The following ANK2 variants were observed in gnomAD, a reference collection of about 807,000 sequenced individuals.
ANK2 encodes the protein ankyrin-2.
ANK2 carries 83 observed loss-of-function variants against 360.5 expected under a neutral mutation model. That is an observed-to-expected ratio of 0.23 (90% CI 0.19 to 0.28). The LOEUF (loss-of-function observed/expected upper bound fraction) is 0.28, where lower values mean the gene tolerates loss of function less well. Ranked by LOEUF, ANK2 falls within the 10% of genes least tolerant of loss-of-function variation. The probability of loss-of-function intolerance (pLI) is 1.00; values close to 1 mark genes in which losing one functional copy is unlikely to be tolerated. For missense variants in ANK2, 4,201 were observed against 4,795.7 expected, an observed-to-expected ratio of 0.88 and a Z score of 3.66; for synonymous variants, 1,740 against 1,759.5, an observed-to-expected ratio of 0.99 and a Z score of 0.28.
At chr4:113,125,266 CATAA>C (rs922753379) in intron 1 of ANK2, among the ~76,000 whole-genome samples, 6 of 151,928 alleles carry the variant, frequency 3.9e-5, no homozygotes, top group African/African-American at 9.7e-5. Flanking sequence ...GTTATTTTTT[CATAA>C]ATAAATAATG....
At position 113,354,572 on chromosome 4, in the gene ANK2, A is replaced by G; in HGVS notation, c.5954A>G (p.Glu1985Gly). Reference sequence around the variant, plus strand: ...CCCACTTCAAAAACAGAGAGGATTGAGGAAACCATGTCTGTTCGGGAGCTG... The same window carrying G: ...CCCACTTCAAAAACAGAGAGGATTGGGGAAACCATGTCTGTTCGGGAGCTG... ...VSPTSKTERI[E>G]ETMSVRELMK... The change falls in exon 38 of 46, where the codon GAG (glutamate) becomes GGG (glycine). Residue 1985 changes from glutamate (E) to glycine (G), a missense_variant. Physicochemically the swap from Glu to Gly is moderately conservative, Grantham distance 98 (BLOSUM62 -2). Transcript: ENST00000357077. 6.2e-7 allele frequency: 1 copy of G among 1,614,138 alleles called. No individual in the cohort carries two copies. Among genetic ancestry groups the G allele is most frequent in the Non-Finnish European group, 8.5e-7 (1 of 1,180,000 alleles).
At chr4:113,290,861 C>T (rs565661425) in intron 20 of ANK2, among the ~76,000 whole-genome samples, 30 of 152,070 alleles carry the variant, frequency 2.0e-4, no homozygotes, top group Non-Finnish European at 3.5e-4. Flanking sequence ...GCCAGATGGG[C>T]CTATGACAGT....
chr4:113,356,675 T>C lies in ANK2; in HGVS notation c.8057T>C (p.Val2686Ala), dbSNP rs56095304. The change falls in exon 38 of 46, where the codon GTG becomes GCG. Residue 2686 changes from valine to alanine, a missense_variant. By Grantham distance (64) the Val-to-Ala change is moderately conservative. Transcript: ENST00000357077. Reference protein sequence around the residue: ...GADSGLLPEPVIRVQPPSPLP... With the variant: ...GADSGLLPEPAIRVQPPSPLP... ...GACTCAGGCCTTTTACCAGAACCAG[T>C]GATTCGAGTACAACCTCCTTCTCCA... 3.3e-5 allele frequency: 53 copies of C among 1,614,092 alleles called. No homozygotes were observed. The highest frequency in any genetic ancestry group is 4.5e-5 in the Non-Finnish European group (53 of 1,179,974).
chr4:113,134,936 G>A (rs1392451750), intron 1 of ANK2, among the ~76,000 whole-genome samples: 1 of 152,114 alleles, frequency 6.6e-6, no homozygotes, highest in Non-Finnish European at 1.5e-5. Context: ...CATTAGAAGT[G>A]GCATGACTAA....
At chr4:113,367,927 A>C in intron 42 of ANK2, 76 bp downstream of exon 42, 1 of 1,552,284 alleles carries the variant, frequency 6.4e-7, no homozygotes, top group Admixed American at 1.7e-5. Flanking sequence ...ATATATAAGC[A>C]TAACTAGTTT....
chr4:113,280,256 G>A (rs2061779300), intron 17 of ANK2, among the ~76,000 whole-genome samples: 1 of 152,160 alleles, frequency 6.6e-6, no homozygotes, highest in Non-Finnish European at 1.5e-5. Flanking sequence ...CAATCTACTT[G>A]TAAGAGAAGA....
chr4:112,901,915 A>C (rs1442897086), intron 1 of ANK2, among the ~76,000 whole-genome samples: 1 of 152,182 alleles, frequency 6.6e-6, no homozygotes, highest in East Asian at 1.9e-4. Context: ...ATATTTCACC[A>C]TGGAAAGTTA....
At chr4:112,793,303 T>G in the ANK2 span, among the ~76,000 whole-genome samples, 37,581 of 151,924 alleles carry the variant, frequency 0.25, 5,111 homozygotes, top group East Asian at 0.53. Context: ...AAATTTGCAC[T>G]AATAAAAAAA....
chr4:112,900,110 C>G (rs1467243122), intron 1 of ANK2, among the ~76,000 whole-genome samples: 5 of 152,138 alleles, frequency 3.3e-5, no homozygotes, highest in Non-Finnish European at 7.4e-5. Context: ...AAATCGTCAT[C>G]ATTTTACTAA....
intron 33 of ANK2, 131 bp downstream of exon 33, chr4:113,342,047 TAGA>T (rs1351066229): frequency 1.4e-5 from 14 of 989,636 alleles, no homozygotes; most frequent in Non-Finnish European, 1.9e-5. Flanking sequence ...TTTGGTCAGT[TAGA>T]AGGTCAACAT....
chr4:113,206,431 T>C (rs2098949311), intron 4 of ANK2, among the ~76,000 whole-genome samples: 1 of 152,252 alleles, frequency 6.6e-6, no homozygotes, highest in African/African-American at 2.4e-5. Flanking sequence ...TATTCCTTTT[T>C]ATGGCTGCAT....
At chr4:112,930,244 A>C (rs1232836385) in intron 2 of ANK2, among the ~76,000 whole-genome samples, 1 of 152,006 alleles carries the variant, frequency 6.6e-6, no homozygotes, top group Non-Finnish European at 1.5e-5. Context: ...AAGGAGTTTC[A>C]GACTAGCCTG....
intron 1 of ANK2, among the ~76,000 whole-genome samples, chr4:112,890,556 G>GTGTT (rs2079670009): frequency 1.5e-5 from 1 of 67,456 alleles, no homozygotes; most frequent in Non-Finnish European, 2.5e-5. Context: ...CATTTCTGTG[G>GTGTT]TTTTTTTTTT....
chr4:112,943,238 G>A (rs1203032417), intron 2 of ANK2, among the ~76,000 whole-genome samples: 1 of 152,094 alleles, frequency 6.6e-6, no homozygotes, highest in Non-Finnish European at 1.5e-5. Context: ...AGATGCTAAT[G>A]TCTCAAATGT....
intron 1 of ANK2, among the ~76,000 whole-genome samples, chr4:112,867,664 T>G (rs1197642824): frequency 1.4e-5 from 2 of 147,564 alleles, no homozygotes; most frequent in Non-Finnish European, 3.0e-5. Flanking sequence ...ACATGGCCTT[T>G]TAAGTCTGTT....
Position 112,984,791 on chromosome 4 carries a change from G to C in ANK2, c.21+80277G>C, listed in dbSNP as rs2044303534. Among the ~76,000 whole-genome samples the C allele has an allele frequency of 2.0e-5, 3 of 152,178 alleles. No homozygotes were observed. In the South Asian group the frequency reaches 6.2e-4, roughly 31 times the overall value. Reference sequence around the variant, plus strand: ...AGTTCATTCTCATGGTCAGAAGTGAGCTCATGCATTCAAACCTGGGAAAAC... The same window carrying C: ...AGTTCATTCTCATGGTCAGAAGTGACCTCATGCATTCAAACCTGGGAAAAC... On this transcript the variant is annotated intron_variant, in intron 2 of 30. Transcript: ENST00000503271.
the ANK2 span, among the ~76,000 whole-genome samples, chr4:112,811,847 C>T: frequency 6.6e-6 from 1 of 152,044 alleles, no homozygotes; most frequent in Non-Finnish European, 1.5e-5. Context: ...GAGGCCGAGA[C>T]GGGCGATCAC....
At chr4:113,009,587 C>T (rs2054036433) in intron 2 of ANK2, among the ~76,000 whole-genome samples, 1 of 151,960 alleles carries the variant, frequency 6.6e-6, no homozygotes, top group African/African-American at 2.4e-5. Flanking sequence ...CATGTTTATC[C>T]TTTATTTCCC....
the ANK2 span, among the ~76,000 whole-genome samples, chr4:112,742,917 G>A: frequency 6.6e-6 from 1 of 151,908 alleles, no homozygotes; most frequent in African/African-American, 2.4e-5. Flanking sequence ...TAGAGATGGG[G>A]GTTTCACCAT....
Sources: gnomAD v4.1 joint callset for allele counts (sites outside exome capture counted in the v4.1 genomes callset) on GRCh38, gnomAD v4.1.1 for gene constraint, MANE v1.5 for transcripts, NCBI Gene and HGNC (gene_info 2026-07-23, HGNC 2026-07-21) for gene names.